EXT1: variants seen among roughly 807,000 people sequenced by gnomAD.
The protein encoded by EXT1 is exostosin-1.
A neutral mutation model predicts 82.5 loss-of-function variants in EXT1; 20 were observed. The ratio of observed to expected loss-of-function variants is 0.24; its 90% CI spans 0.17 to 0.35. EXT1 has a LOEUF of 0.35. EXT1 is among the 10% of genes least tolerant of loss of function. The pLI is 1.00. For synonymous variants in EXT1, 348 were observed against 350.8 expected (o/e 0.99, Z 0.09); for missense variants, 757 against 936.5 (o/e 0.81, Z 2.50).
intron 1 of EXT1, among the ~76,000 whole-genome samples, chr8:117,961,507 A>G (rs1242611301): frequency 1.3e-5 from 2 of 152,222 alleles, no homozygotes; most frequent in Non-Finnish European, 2.9e-5. Context: ...AATGTACCAA[A>G]AGGAATATTA....
intron 1 of EXT1, among the ~76,000 whole-genome samples, chr8:117,845,488 G>GTTTTT (rs1037491801): frequency 6.6e-6 from 1 of 151,596 alleles, no homozygotes; most frequent in African/African-American, 2.4e-5. Context: ...CTTCAAGAGG[G>GTTTTT]GTAAAAGATG....
At chr8:117,822,795 G>A (rs1274415041) in intron 4 of EXT1, among the ~76,000 whole-genome samples, 198 bp from the exon 5 acceptor site, 1 of 152,134 alleles carries the variant, frequency 6.6e-6, no homozygotes, top group Non-Finnish European at 1.5e-5. Flanking sequence ...AGAAACATAT[G>A]AATTATAGCC....
chr8:117,962,210 A>C (rs1355994353), intron 1 of EXT1, among the ~76,000 whole-genome samples: 2 of 152,196 alleles, frequency 1.3e-5, no homozygotes, highest in Admixed American at 6.5e-5. Flanking sequence ...TGGCTATAGT[A>C]AACAAACCAT....
At chr8:118,007,074 G>C (rs1015623617) in intron 1 of EXT1, among the ~76,000 whole-genome samples, 3 of 152,188 alleles carry the variant, frequency 2.0e-5, no homozygotes, top group African/African-American at 7.2e-5. Context: ...GAGACAGGCG[G>C]ATCACGAGGT....
At chr8:117,828,201 G>C (rs906062621) in intron 4 of EXT1, among the ~76,000 whole-genome samples, 5 of 151,928 alleles carry the variant, frequency 3.3e-5, no homozygotes, top group African/African-American at 1.2e-4. Context: ...ATCAATAGTG[G>C]TTTTACATGA....
chr8:117,923,013 G>C (rs896876774), intron 1 of EXT1, among the ~76,000 whole-genome samples: 1 of 40,318 alleles, frequency 2.5e-5, no homozygotes, highest in African/African-American at 1.7e-4. Context: ...AAGTGATTTA[G>C]CAAAAGTCAT....
At chr8:118,046,224 C>T (rs1483291733) in intron 1 of EXT1, among the ~76,000 whole-genome samples, 1 of 152,038 alleles carries the variant, frequency 6.6e-6, no homozygotes, top group Non-Finnish European at 1.5e-5. Flanking sequence ...GTGGCTCCTC[C>T]CTGGTTACCT....
At chr8:117,892,878 G>C (rs1813271009) in intron 1 of EXT1, among the ~76,000 whole-genome samples, 1 of 152,234 alleles carries the variant, frequency 6.6e-6, no homozygotes, top group Non-Finnish European at 1.5e-5. Flanking sequence ...GTTTTGGCCT[G>C]AGGAACTCAG....
Position 117,973,799 on chromosome 8 carries a change from GAGAAAGGAAA to G in EXT1, c.962+136276_962+136285del, listed in dbSNP as rs1586318465. On this transcript the variant is annotated intron_variant, in intron 1 of 10. Coordinates refer to ENST00000378204, the MANE Select transcript of EXT1 (RefSeq NM_000127.3). Reference sequence around the variant, plus strand: ...AAAGAAGAGATGAAAGAAAAGAAAAGAGAAAGGAAAGGAAAGGAAAGGAAAGGAAAGGAAA... The same window carrying G: ...AAAGAAGAGATGAAAGAAAAGAAAAGGGAAAGGAAAGGAAAGGAAAGGAAA... 3.0e-5 allele frequency among the ~76,000 whole-genome samples: 3 copies of G among 98,966 alleles called. No individual in the cohort carries two copies. In the East Asian group the frequency reaches 8.1e-4, roughly 27 times the overall value. 64.9% of individuals were successfully genotyped at this position (98,966 alleles called of 152,430 possible).
chr8:118,009,898 C>A (rs765917589), intron 1 of EXT1, among the ~76,000 whole-genome samples: 41 of 152,150 alleles, frequency 2.7e-4, no homozygotes, highest in Non-Finnish European at 5.7e-4. Context: ...TCTATACTCA[C>A]CTGGACCAAA....
chr8:117,809,799 T>C (rs1014856521), intron 8 of EXT1, among the ~76,000 whole-genome samples: 1 of 152,158 alleles, frequency 6.6e-6, no homozygotes, highest in African/African-American at 2.4e-5. Flanking sequence ...ACCTTTTCAC[T>C]AGTGGTCAAT....
chr8:117,809,297 T>C (rs891862140), intron 8 of EXT1, among the ~76,000 whole-genome samples: 4 of 146,468 alleles, frequency 2.7e-5, no homozygotes, highest in African/African-American at 9.9e-5. Context: ...TGCCCTATCT[T>C]AAGATAAGGA....
At chr8:118,073,479 G>A (rs1817132924) in intron 1 of EXT1, among the ~76,000 whole-genome samples, 1 of 152,106 alleles carries the variant, frequency 6.6e-6, no homozygotes, top group Non-Finnish European at 1.5e-5. Flanking sequence ...AAATTAGCTG[G>A]GCATGATGGC....
At chr8:118,022,984 G>C (rs938180357) in intron 1 of EXT1, among the ~76,000 whole-genome samples, 2 of 152,140 alleles carry the variant, frequency 1.3e-5, no homozygotes, top group East Asian at 3.9e-4. Context: ...AGGAAAATAG[G>C]AACAGGTGGT....
At chr8:117,943,654 A>G (rs1814330460) in intron 1 of EXT1, among the ~76,000 whole-genome samples, 1 of 152,244 alleles carries the variant, frequency 6.6e-6, no homozygotes, top group Admixed American at 6.5e-5. Flanking sequence ...CACAATCACC[A>G]GGAATATCTG....
intron 1 of EXT1, among the ~76,000 whole-genome samples, chr8:118,009,955 T>G (rs748137522): frequency 2.6e-5 from 4 of 152,146 alleles, no homozygotes; most frequent in Non-Finnish European, 5.9e-5. Flanking sequence ...CTGAGGGAAT[T>G]GGGTTCTAAG....
At chr8:117,997,641 A>G (rs1243724775) in intron 1 of EXT1, among the ~76,000 whole-genome samples, 1 of 151,972 alleles carries the variant, frequency 6.6e-6, no homozygotes, top group Non-Finnish European at 1.5e-5. Context: ...CAAGAAAGAT[A>G]AAAACAAACT....
chr8:117,830,083 TA>T, intron 4 of EXT1, 146 bp downstream of exon 4: 2 of 994,388 alleles, frequency 2.0e-6, no homozygotes, highest in Non-Finnish European at 3.1e-6. Flanking sequence ...GCAAAGCAGG[TA>T]AAAGAGGTTA....
At chr8:117,940,329 C>T (rs1413892137) in intron 1 of EXT1, among the ~76,000 whole-genome samples, 2 of 152,144 alleles carry the variant, frequency 1.3e-5, no homozygotes, top group Non-Finnish European at 2.9e-5. Flanking sequence ...GCACAGGGAA[C>T]CTGTGGTATA....
Sources: allele counts gnomAD v4.1 joint callset (sites outside exome capture counted in the v4.1 genomes callset), GRCh38; gene constraint gnomAD v4.1.1; transcripts MANE v1.5; gene names NCBI Gene and HGNC (gene_info 2026-07-23, HGNC 2026-07-21).